Variants in ZNF385D observed in about 807,000 individuals in gnomAD.
ZNF385D encodes zinc finger protein 659.
A neutral mutation model predicts 35.8 loss-of-function variants in ZNF385D; 15 were observed. The observed-to-expected ratio is 0.42, with a 90% confidence interval of 0.28 to 0.64. The LOEUF (loss-of-function observed/expected upper bound fraction) is 0.64. Among genes scored for constraint, ZNF385D ranks in the 30% least tolerant of loss-of-function variants. The probability of loss-of-function intolerance (pLI) is 0.23; values close to 1 mark genes in which losing one functional copy is unlikely to be tolerated. For synonymous variants in ZNF385D, 212 were observed against 186.8 expected, an observed-to-expected ratio of 1.13 and a Z score of -1.10; for missense variants, 474 against 494.6, an observed-to-expected ratio of 0.96 and a Z score of 0.39.
chr3:21,816,852 GC>G (rs1276369018), intron 3 of ZNF385D, among the ~76,000 whole-genome samples: 4 of 151,970 alleles, frequency 2.6e-5, no homozygotes, highest in African/African-American at 9.7e-5. Flanking sequence ...TGCATATGGA[GC>G]AAAAAAGAGC....
At chr3:21,787,751 G>T (rs2071751240) in intron 3 of ZNF385D, among the ~76,000 whole-genome samples, 1 of 152,130 alleles carries the variant, frequency 6.6e-6, no homozygotes, top group African/African-American at 2.4e-5. Flanking sequence ...AAAAGCAGAG[G>T]CCAAAACAAT....
chr3:22,112,288 G>T (rs576197479), intron 3 of ZNF385D, among the ~76,000 whole-genome samples: 47 of 152,186 alleles, frequency 3.1e-4, no homozygotes, highest in African/African-American at 1.0e-3. Flanking sequence ...CTCATAGTCT[G>T]AAAAATTAAA....
chr3:21,750,368 C>A (rs959183641), intron 1 of ZNF385D, among the ~76,000 whole-genome samples: 1 of 152,188 alleles, frequency 6.6e-6, no homozygotes, highest in Non-Finnish European at 1.5e-5. Flanking sequence ...CTAGGCTGCT[C>A]CTAGCTAGAC....
At chr3:22,096,341 A>C (rs1350211002) in intron 3 of ZNF385D, among the ~76,000 whole-genome samples, 1 of 143,512 alleles carries the variant, frequency 7.0e-6, no homozygotes, top group African/African-American at 2.5e-5. Flanking sequence ...TTTTTAAATA[A>C]ATAAATACAA....
chr3:21,672,037 T>A (rs1416502417), intron 1 of ZNF385D, among the ~76,000 whole-genome samples: 1 of 152,174 alleles, frequency 6.6e-6, no homozygotes, highest in Non-Finnish European at 1.5e-5. Context: ...TTCAAGGTTG[T>A]TGGTTGGGGA....
At chr3:21,488,937 C>T (rs78896370) in intron 4 of ZNF385D, among the ~76,000 whole-genome samples, 1 of 152,186 alleles carries the variant, frequency 6.6e-6, no homozygotes, top group East Asian at 1.9e-4. Context: ...CAGAGGATAC[C>T]ATTGTTGCCG....
intron 3 of ZNF385D, among the ~76,000 whole-genome samples, chr3:22,027,095 C>T (rs913213395): frequency 6.6e-6 from 1 of 152,198 alleles, no homozygotes; most frequent in Non-Finnish European, 1.5e-5. Context: ...CTGGCAAGTG[C>T]AGCAATATAC....
chr3:22,342,003 C>T (rs1488670234), intron 2 of ZNF385D, among the ~76,000 whole-genome samples: 5 of 151,980 alleles, frequency 3.3e-5, no homozygotes, highest in South Asian at 4.2e-4. Flanking sequence ...AGGCCGGGCG[C>T]GGTGGCTCAC....
intron 2 of ZNF385D, among the ~76,000 whole-genome samples, chr3:22,176,135 G>A (rs1694817658): frequency 6.6e-6 from 1 of 151,640 alleles, no homozygotes; most frequent in Non-Finnish European, 1.5e-5. Flanking sequence ...CATAAAAATG[G>A]CATTACTATA....
intron 2 of ZNF385D, among the ~76,000 whole-genome samples, chr3:22,291,275 A>C (rs1279244066): frequency 6.6e-6 from 1 of 152,192 alleles, no homozygotes; most frequent in Non-Finnish European, 1.5e-5. Context: ...TGATTATGTT[A>C]AACATATATA....
chr3:21,526,588 T>G (rs532742377), intron 3 of ZNF385D, among the ~76,000 whole-genome samples: 2 of 151,822 alleles, frequency 1.3e-5, no homozygotes, highest in Middle Eastern at 6.8e-3. Context: ...GAAGCAAGAG[T>G]GATAAGAGCT....
intron 1 of ZNF385D, among the ~76,000 whole-genome samples, chr3:21,694,147 C>A (rs1344980099): frequency 6.9e-6 from 1 of 145,690 alleles, no homozygotes. Context: ...GGGTTCAAGC[C>A]ATTCTCCTGC....
chr3:21,607,926 TC>T (rs1244501783), intron 2 of ZNF385D, among the ~76,000 whole-genome samples: 13 of 152,084 alleles, frequency 8.5e-5, no homozygotes, highest in Non-Finnish European at 1.5e-4. Context: ...CCCTTATTCT[TC>T]CCGTAATTTA....
chr3:21,918,010 T>C (rs12491046), intron 3 of ZNF385D, among the ~76,000 whole-genome samples: 81,350 of 152,048 alleles, frequency 0.54, 23,827 homozygotes, highest in South Asian at 0.66. Flanking sequence ...CTAATCTGAA[T>C]TGATTGCTCA....
At chr3:22,228,907 C>T (rs976672053) in intron 2 of ZNF385D, among the ~76,000 whole-genome samples, 1 of 152,218 alleles carries the variant, frequency 6.6e-6, no homozygotes, top group African/African-American at 2.4e-5. Flanking sequence ...ACTCTTGGAC[C>T]TATGCCAATT....
At chr3:22,158,368 A>G (rs1705723827) in intron 3 of ZNF385D, among the ~76,000 whole-genome samples, 1 of 152,034 alleles carries the variant, frequency 6.6e-6, no homozygotes, top group Non-Finnish European at 1.5e-5. Flanking sequence ...CCCTGACTTT[A>G]TAGGTTTCCT....
chr3:22,202,561 A>G (rs1375281094), intron 2 of ZNF385D, among the ~76,000 whole-genome samples: 1 of 152,112 alleles, frequency 6.6e-6, no homozygotes, highest in African/African-American at 2.4e-5. Flanking sequence ...AACTTTCTGT[A>G]CCAAAAAGCA....
intron 3 of ZNF385D, among the ~76,000 whole-genome samples, chr3:22,139,158 C>G (rs1455819888): frequency 1.3e-5 from 2 of 152,082 alleles, no homozygotes; most frequent in African/African-American, 4.8e-5. Context: ...CACTTTTACA[C>G]TGTTGGTGGG....
chr3:22,318,020 T>A (rs1283388985), intron 2 of ZNF385D, among the ~76,000 whole-genome samples: 1 of 151,410 alleles, frequency 6.6e-6, no homozygotes, highest in East Asian at 1.9e-4. Flanking sequence ...ACCACGCTAC[T>A]GCATTCCAGC....
Sources: gnomAD v4.1 joint callset for allele counts (sites outside exome capture counted in the v4.1 genomes callset) on GRCh38, gnomAD v4.1.1 for gene constraint, MANE v1.5 for transcripts, NCBI Gene and HGNC (gene_info 2026-07-23, HGNC 2026-07-21) for gene names.